Variants in KCNG2 observed in about 807,000 individuals in gnomAD.
KCNG2 encodes the protein potassium voltage-gated channel modifier subfamily G member 2.
In KCNG2, 7 loss-of-function variants were observed where a neutral mutation model predicts 12.3. That is an observed-to-expected ratio of 0.57 (90% confidence interval 0.32 to 1.07). KCNG2 has a LOEUF of 1.07. KCNG2 is among the 50% of genes least tolerant of loss of function. KCNG2 has a pLI of 0.04. For missense variants in KCNG2, 703 were observed against 726.0 expected, an observed-to-expected ratio of 0.97 and a Z score of 0.36; for synonymous variants, 414 against 351.4, an observed-to-expected ratio of 1.18 and a Z score of -1.99.
At chr18:79,883,475 A>G (rs1305430539) in intron 3 of KCNG2, among the ~76,000 whole-genome samples, 1 of 152,246 alleles carries the variant, frequency 6.6e-6, no homozygotes, top group African/African-American at 2.4e-5. Context: ...GTCAAAGTGC[A>G]CACAGTCTTT....
intron 1 of KCNG2, among the ~76,000 whole-genome samples, chr18:79,824,440 T>C (rs972596040): frequency 6.6e-6 from 1 of 152,266 alleles, no homozygotes; most frequent in African/African-American, 2.4e-5. Flanking sequence ...AAGTATAAGA[T>C]GATCCTATCT....
rs116834482 is a variant in KCNG2, at chr18:79,895,256, C to T, written c.625-3784C>T. Among the ~76,000 whole-genome samples, 420 of 150,748 alleles carry T rather than the reference C, an allele frequency of 2.8e-3. 2 individuals carry two copies. Among genetic ancestry groups the T allele is most frequent in the African/African-American group, 9.3e-3 (380 of 40,914 alleles). The stretch of plus-strand genomic sequence containing the variant: ...ATTGGGTTGTTCATGCCGTTAGTAA[C>T]GATTTATATAGTTGGGTCTGTTTCT... On this transcript the variant is annotated intron_variant, in intron 3 of 3. Coordinates refer to ENST00000316249, the MANE Select transcript of KCNG2 (RefSeq NM_012283.2).
intron 3 of KCNG2, among the ~76,000 whole-genome samples, chr18:79,896,454 C>G (rs1980979141): frequency 6.6e-6 from 1 of 152,168 alleles, no homozygotes; most frequent in South Asian, 2.1e-4. Context: ...CACATTGTTA[C>G]AATTGTTGCT....
chr18:79,799,815 C>A (rs756093426), intron 1 of KCNG2, among the ~76,000 whole-genome samples: 1 of 152,032 alleles, frequency 6.6e-6, no homozygotes. Flanking sequence ...GTGTGGGGGG[C>A]GGGTGGCCGA....
intron 1 of KCNG2, among the ~76,000 whole-genome samples, chr18:79,845,813 G>A (rs915888965): frequency 6.6e-5 from 10 of 152,230 alleles, no homozygotes; most frequent in African/African-American, 2.2e-4. Context: ...GTGGCTGGGC[G>A]CAGTGGCTCA....
chr18:79,800,414 G>A lies in KCNG2; in HGVS notation c.-115+2400G>A, dbSNP rs889958331. Among the ~76,000 whole-genome samples the A allele has an allele frequency of 1.3e-5, 2 of 152,198 alleles. No homozygotes were observed. Among genetic ancestry groups the A allele is most frequent in the Non-Finnish European group, 2.9e-5 (2 of 68,040 alleles). On this transcript the variant is annotated intron_variant, in intron 1 of 3. Coordinates refer to ENST00000316249, the MANE Select transcript of KCNG2 (RefSeq NM_012283.2). This position sits in a 1 kb window ranked among gnomAD's most constrained non-coding sequence, Gnocchi z 4.0. ...CCAGTGAGGTCGCTCAGACACAAAC[G>A]GGTGCTGCCATCAGGTAGCCCAGCC...
intron 1 of KCNG2, among the ~76,000 whole-genome samples, chr18:79,843,733 AAAAGAG>A (rs767402018): frequency 1.1e-4 from 16 of 152,334 alleles, no homozygotes; most frequent in East Asian, 1.9e-4. Flanking sequence ...ATAGATACAC[AAAAGAG>A]AAAGAGAAAG....
At chr18:79,805,811 C>CTA (rs959204389) in intron 1 of KCNG2, among the ~76,000 whole-genome samples, 8 of 152,214 alleles carry the variant, frequency 5.3e-5, no homozygotes, top group Non-Finnish European at 1.2e-4. Context: ...CTGCTAAAAT[C>CTA]TAGAGTCTAG....
rs1389516851 is a variant in KCNG2, at chr18:79,899,564, G to A, written c.1149G>A (p.Gln383=). ...TGGTCCCGCGCAGCCTGCCCGGGCA[G>A]GTGGTGGCGCTCAGCAGCATCCTCA... is the stretch of plus-strand genomic sequence containing the variant. ...GDMVPRSLPG[Q]VVALSSILSG... Residue 383 remains glutamine, a synonymous_variant, in exon 4 of 4, where the codon CAG becomes CAA. Coordinates refer to ENST00000316249, the MANE Select transcript of KCNG2 (RefSeq NM_012283.2). The A allele has an allele frequency of 3.1e-6, 5 of 1,600,962 alleles. No individual in the cohort carries two copies. The highest frequency in any genetic ancestry group is 1.7e-5 in the Admixed American group (1 of 58,728).
chr18:79,817,196 G>C (rs1308597043), intron 1 of KCNG2, among the ~76,000 whole-genome samples: 1 of 150,822 alleles, frequency 6.6e-6, no homozygotes, highest in South Asian at 2.1e-4. Flanking sequence ...TCACACATCT[G>C]TCACATGGTT....
chr18:79,877,492 C>T (rs1356758870), intron 3 of KCNG2, among the ~76,000 whole-genome samples: 1 of 152,166 alleles, frequency 6.6e-6, no homozygotes, highest in Non-Finnish European at 1.5e-5. Context: ...TCGCGAGCTG[C>T]GGGGTCCCTG....
intron 1 of KCNG2, among the ~76,000 whole-genome samples, chr18:79,811,374 C>T (rs1343954602): frequency 6.6e-6 from 1 of 152,218 alleles, no homozygotes; most frequent in African/African-American, 2.4e-5. Context: ...TAAGGAGAGA[C>T]ATATTGATCA....
At chr18:79,888,221 G>A (rs1051829035) in intron 3 of KCNG2, among the ~76,000 whole-genome samples, 2 of 152,330 alleles carry the variant, frequency 1.3e-5, no homozygotes, top group African/African-American at 2.4e-5. Flanking sequence ...CCGTCCACGC[G>A]GTGGGGACCA....
At chr18:79,866,954 T>G (rs1979605726) in intron 3 of KCNG2, among the ~76,000 whole-genome samples, 3 of 149,810 alleles carry the variant, frequency 2.0e-5, no homozygotes, top group Admixed American at 2.0e-4. Context: ...GAGGTCTGTG[T>G]TCTCAGAGAT....
At chr18:79,893,037 A>G (rs1470718579) in intron 3 of KCNG2, among the ~76,000 whole-genome samples, 1 of 151,594 alleles carries the variant, frequency 6.6e-6, no homozygotes, top group African/African-American at 2.4e-5. Flanking sequence ...TACAATTGAT[A>G]TAGTTGGGTC....
intron 3 of KCNG2, among the ~76,000 whole-genome samples, chr18:79,874,940 G>A (rs904994646): frequency 1.1e-4 from 16 of 152,098 alleles, no homozygotes; most frequent in Admixed American, 3.3e-4. Context: ...GGAGAGGGGC[G>A]TCTCCAGGTA....
At chr18:79,868,016 T>A (rs1263184615) in intron 3 of KCNG2, among the ~76,000 whole-genome samples, 1 of 152,138 alleles carries the variant, frequency 6.6e-6, no homozygotes, top group Non-Finnish European at 1.5e-5. Context: ...CAGGCTGCCT[T>A]CCCCCGTCGT....
chr18:79,813,413 A>G (rs1005576393), intron 1 of KCNG2, among the ~76,000 whole-genome samples: 2 of 152,190 alleles, frequency 1.3e-5, no homozygotes, highest in African/African-American at 4.8e-5. Context: ...GACAAATCCA[A>G]CATCTACTCA....
At chr18:79,867,672 T>C (rs1162050187) in intron 3 of KCNG2, among the ~76,000 whole-genome samples, 1 of 152,046 alleles carries the variant, frequency 6.6e-6, no homozygotes, top group African/African-American at 2.4e-5. Flanking sequence ...GAGAAGGGGC[T>C]GTGACTGTGT....
Sources: gnomAD v4.1 joint callset for allele counts (sites outside exome capture counted in the v4.1 genomes callset) on GRCh38, gnomAD v4.1.1 for gene constraint, Gnocchi (gnomAD v3.1) non-coding constraint, MANE v1.5 for transcripts, NCBI Gene and HGNC (gene_info 2026-07-23, HGNC 2026-07-21) for gene names.